The following DISP1 variants were observed in gnomAD, a reference collection of about 807,000 sequenced individuals.
DISP1 encodes the protein dispatched RND transporter family member 1.
A neutral mutation model predicts 37.3 loss-of-function variants in DISP1; 30 were observed. The observed-to-expected ratio is 0.80, with a 90% CI of 0.60 to 1.09. The LOEUF is 1.09. DISP1 is among the 50% of genes least tolerant of loss of function. DISP1 has a pLI of 0.00. For synonymous variants in DISP1, 634 were observed against 690.2 expected (o/e 0.92, Z 1.28); for missense variants, 1,598 against 1,879.5 (o/e 0.85, Z 2.77).
chr1:222,976,451 G>C (rs1044504726), intron 3 of DISP1, among the ~76,000 whole-genome samples: 29 of 152,182 alleles, frequency 1.9e-4, no homozygotes, highest in African/African-American at 7.0e-4. Flanking sequence ...TTTACCTGTA[G>C]TGTGGTTTGG....
At chr1:222,983,544 G>A (rs1452033252) in intron 4 of DISP1, among the ~76,000 whole-genome samples, 2 of 152,102 alleles carry the variant, frequency 1.3e-5, no homozygotes, top group Non-Finnish European at 1.5e-5. Context: ...TTGAACCTGG[G>A]AGGTGGCAGT....
intron 1 of DISP1, among the ~76,000 whole-genome samples, chr1:222,914,340 A>T (rs1310154354): frequency 6.6e-6 from 1 of 152,066 alleles, no homozygotes; most frequent in Non-Finnish European, 1.5e-5. Flanking sequence ...TTCAGAAAAA[A>T]TTTTTTTGTG....
chr1:223,000,887 G>GA (rs149118829), intron 8 of DISP1, among the ~76,000 whole-genome samples: 3,183 of 149,256 alleles, frequency 0.021, 110 homozygotes, highest in African/African-American at 0.07. Context: ...AATCCTACTA[G>GA]AAAAAAAAAA....
chr1:222,958,873 T>C (rs561101790), intron 3 of DISP1, among the ~76,000 whole-genome samples: 1 of 152,318 alleles, frequency 6.6e-6, no homozygotes, highest in Non-Finnish European at 1.5e-5. Flanking sequence ...TGCATGAACA[T>C]GTAACCAGCT....
At chr1:222,999,068 G>C (rs1326902529) in intron 8 of DISP1, among the ~76,000 whole-genome samples, 1 of 152,000 alleles carries the variant, frequency 6.6e-6, no homozygotes, top group African/African-American at 2.4e-5. Flanking sequence ...TTAGCCAATA[G>C]TTTTAAAAGT....
chr1:222,913,291 TTAAG>T (rs956591630), intron 1 of DISP1, among the ~76,000 whole-genome samples: 6 of 152,236 alleles, frequency 3.9e-5, no homozygotes, highest in African/African-American at 7.2e-5. Flanking sequence ...AGCAAATAAA[TTAAG>T]TTTTATTTTT....
intron 1 of DISP1, among the ~76,000 whole-genome samples, chr1:222,836,760 T>TAC (rs1318793727): frequency 1.4e-4 from 21 of 148,238 alleles, no homozygotes; most frequent in East Asian, 7.8e-4. Flanking sequence ...TATATATATA[T>TAC]ATACACACAC....
chr1:222,991,932 A>G, intron 6 of DISP1, 81 bp from the exon 7 acceptor site: 1 of 1,130,486 alleles, frequency 8.8e-7, no homozygotes, highest in Non-Finnish European at 1.3e-6. Context: ...CATGGCTTTG[A>G]GGAAGTAATG....
rs201397298 is a variant in DISP1 at position 223,003,966 on chromosome 1, A to C, written c.2569A>C (p.Lys857Gln). The C allele has an allele frequency of 1.3e-5, 21 of 1,614,186 alleles. No individual in the cohort carries two copies. In the African/African-American group the frequency reaches 2.0e-4, roughly 15 times the overall value. ...CACCAGCTGCTTCATTGAGACATTC[A>C]AACAGTGGATGGAAAACCAGGACTG... The part of the protein sequence containing the change: ...DFTSCFIETF[K>Q]QWMENQDCDE... Residue 857 changes from lysine to glutamine, a missense_variant, in exon 9 of 9, where the codon AAA (lysine) becomes CAA (glutamine). Lys to Gln is a moderately conservative substitution (Grantham distance 53). Coordinates refer to ENST00000675850, the MANE Select transcript of DISP1 (RefSeq NM_001377229.1). This position sits in a 1 kb window ranked among gnomAD's most constrained non-coding sequence, Gnocchi z 4.3.
intron 1 of DISP1, among the ~76,000 whole-genome samples, chr1:222,912,791 A>C (rs1672280570): frequency 6.6e-6 from 1 of 152,314 alleles, no homozygotes; most frequent in Admixed American, 6.5e-5. Flanking sequence ...GTATATTCTT[A>C]AGTTTGAGTA....
At position 222,983,065 on chromosome 1, in the gene DISP1, T is replaced by C. The variant is rs796244312; in HGVS notation, c.510-15T>C. 4 of 731,354 alleles carry C rather than the reference T, an allele frequency of 5.5e-6. No individual in the cohort carries two copies. Among genetic ancestry groups the C allele is most frequent in the African/African-American group, 3.8e-5 (2 of 52,904 alleles). 45.3% of individuals were successfully genotyped at this position (731,354 alleles called of 1,614,324 possible). ...CTGTTTTTGATCATTTTTCCTTTGCTTTTTTTTTTTTCAGACCATCCAGAC... is the reference window on the plus strand; with the variant it reads ...CTGTTTTTGATCATTTTTCCTTTGCCTTTTTTTTTTTCAGACCATCCAGAC... On this transcript the variant is annotated splice_polypyrimidine_tract_variant and intron_variant, in intron 3 of 8. Coordinates refer to ENST00000675850, the MANE Select transcript of DISP1 (RefSeq NM_001377229.1).
At chr1:222,953,483 T>G (rs185487909) in intron 3 of DISP1, among the ~76,000 whole-genome samples, 1 of 152,296 alleles carries the variant, frequency 6.6e-6, no homozygotes, top group Non-Finnish European at 1.5e-5. Context: ...GGTCACTCAT[T>G]TGCCTTCCGG....
chr1:222,904,574 ATT>A (rs1228587998), intron 1 of DISP1, among the ~76,000 whole-genome samples: 1 of 121,198 alleles, frequency 8.3e-6, no homozygotes. Flanking sequence ...TTTTTATTTT[ATT>A]TTTTTTTTTG....
chr1:222,970,344 G>A (rs1456359545), intron 3 of DISP1, among the ~76,000 whole-genome samples: 1 of 151,870 alleles, frequency 6.6e-6, no homozygotes, highest in Non-Finnish European at 1.5e-5. Flanking sequence ...TTTTTATTAA[G>A]CCATTTATCT....
chr1:222,925,155 A>G lies in DISP1; in HGVS notation c.-158-3275A>G, dbSNP rs528450513. ...ACCAAAAATGTACTTTAACTTGTCTATTTTTACATGGACCCCAAATGTTTA... is the reference window on the plus strand; with the variant it reads ...ACCAAAAATGTACTTTAACTTGTCTGTTTTTACATGGACCCCAAATGTTTA... On this transcript the variant is annotated intron_variant, in intron 1 of 8. Coordinates refer to ENST00000675850, the MANE Select transcript of DISP1 (RefSeq NM_001377229.1). Among the ~76,000 whole-genome samples the G allele has an allele frequency of 9.2e-5, 14 of 152,220 alleles. No individual in the cohort carries two copies. In the South Asian group the frequency reaches 1.9e-3, roughly 20 times the overall value.
rs1558084086 is a variant in DISP1 at position 223,003,715 on chromosome 1, T to C, written c.2318T>C (p.Met773Thr). ...RYDAEYKKLF[M>T]FERVHHGEEL... is the part of the protein sequence containing the mutation. ...GATGCTGAATACAAAAAGCTTTTCATGTTTGAACGTGTTCACCATGGCGAG... is the reference window on the plus strand; with the variant it reads ...GATGCTGAATACAAAAAGCTTTTCACGTTTGAACGTGTTCACCATGGCGAG... The change falls in exon 9 of 9, where the codon ATG becomes ACG. Residue 773 changes from methionine (M) to threonine (T), a missense_variant. Physicochemically the swap from Met to Thr is moderately conservative, Grantham distance 81 (BLOSUM62 -1). Coordinates refer to ENST00000675850, the MANE Select transcript of DISP1 (RefSeq NM_001377229.1). This position sits in a 1 kb window ranked among gnomAD's most constrained non-coding sequence, Gnocchi z 4.3. 4.3e-6 allele frequency: 7 copies of C among 1,614,182 alleles called. No individual in the cohort carries two copies. Among genetic ancestry groups the C allele is most frequent in the African/African-American group, 1.3e-5 (1 of 75,030 alleles).
At chr1:222,973,772 G>T (rs1391695003) in intron 3 of DISP1, among the ~76,000 whole-genome samples, 1 of 152,104 alleles carries the variant, frequency 6.6e-6, no homozygotes, top group East Asian at 1.9e-4. Flanking sequence ...TTCATTTTCA[G>T]TTCACAAGCA....
chr1:222,960,602 A>G (rs1015775702), intron 3 of DISP1, among the ~76,000 whole-genome samples: 3 of 152,158 alleles, frequency 2.0e-5, no homozygotes, highest in African/African-American at 7.2e-5. Flanking sequence ...CTAGCAGAAG[A>G]CAAGAAATGA....
intron 2 of DISP1, among the ~76,000 whole-genome samples, chr1:222,936,590 GA>G (rs2125469325): frequency 2.1e-4 from 3 of 14,264 alleles, no homozygotes; most frequent in South Asian, 0.012. Context: ...ATATATATGA[GA>G]GATATATATC....
Sources: gnomAD v4.1 joint callset for allele counts (sites outside exome capture counted in the v4.1 genomes callset) on GRCh38, gnomAD v4.1.1 for gene constraint, Gnocchi (gnomAD v3.1) non-coding constraint, MANE v1.5 for transcripts, NCBI Gene and HGNC (gene_info 2026-07-23, HGNC 2026-07-21) for gene names.